ANKFY1: variants seen among roughly 807,000 people sequenced by gnomAD.
ANKFY1 encodes ankyrin repeat and FYVE domain containing 1.
In ANKFY1, 47 loss-of-function variants were observed where a neutral mutation model predicts 128.3. The ratio of observed to expected loss-of-function variants is 0.37; its 90% confidence interval spans 0.29 to 0.47. ANKFY1 has a LOEUF of 0.47. Ranked by LOEUF, ANKFY1 falls within the 20% of genes least tolerant of loss-of-function variation. The pLI is 1.00. For synonymous variants in ANKFY1, 553 were observed against 601.6 expected (o/e 0.92, Z 1.18); for missense variants, 1,222 against 1,510.6 (o/e 0.81, Z 3.17).
At chr17:4,188,720 G>A (rs2059654822) in intron 11 of ANKFY1, 1 of 152,142 alleles carries the variant, frequency 6.6e-6, no homozygotes, top group Admixed American at 6.5e-5. Context: ...TAAGCATTTA[G>A]CTGGGCGTGG....
intron 4 of ANKFY1, among the ~76,000 whole-genome samples, chr17:4,215,204 G>A (rs1391820657): frequency 2.7e-5 from 4 of 150,932 alleles, no homozygotes; most frequent in Non-Finnish European, 4.4e-5. Context: ...CAGGAGAATC[G>A]CTTGAATCGG....
chr17:4,182,898 G>T lies in ANKFY1; in HGVS notation c.1952+500C>A, dbSNP rs112990761. Reference sequence around the variant, plus strand: ...AGGCAGGCAGATCACTTGAGGTCAGGAGTTCGAGACCAGCCTGGCCAACAT... The same window carrying T: ...AGGCAGGCAGATCACTTGAGGTCAGTAGTTCGAGACCAGCCTGGCCAACAT... On this transcript the variant is annotated intron_variant, in intron 14 of 24. Transcript: ENST00000341657. 8.5e-3 allele frequency among the ~76,000 whole-genome samples: 1,298 copies of T among 152,178 alleles called. 16 individuals are homozygous for T. The highest frequency in any genetic ancestry group is 0.03 in the African/African-American group (1,258 of 41,508).
intron 1 of ANKFY1, among the ~76,000 whole-genome samples, chr17:4,252,782 A>C (rs1425902677): frequency 6.6e-6 from 1 of 152,236 alleles, no homozygotes; most frequent in African/African-American, 2.4e-5. Context: ...TAACAACTGG[A>C]AACAACCGGA....
rs529581919 is a variant in ANKFY1 at position 4,242,342 on chromosome 17, C to T, written c.117G>A (p.Ala39=). The part of the protein sequence containing the change: ...ETEKRCALLA[A]QANKESSSES... ...CGCTGCTGCTCTCCTTGTTTGCCTGCGCAGCCAAGAGAGCGCAGCGCTTCT... is the reference window on the plus strand; with the variant it reads ...CGCTGCTGCTCTCCTTGTTTGCCTGTGCAGCCAAGAGAGCGCAGCGCTTCT... Residue 39 remains alanine (A), a synonymous_variant, in exon 2 of 25, where the codon GCG becomes GCA. Transcript: ENST00000341657. 58 of 1,602,378 alleles carry T rather than the reference C, an allele frequency of 3.6e-5. No homozygotes were observed. Among genetic ancestry groups the T allele is most frequent in the South Asian group, 3.6e-4 (32 of 89,144 alleles).
At chr17:4,168,109 C>T (rs1016339262) in intron 24 of ANKFY1, 198 bp from the exon 25 acceptor site, 1 of 463,418 alleles carries the variant, frequency 2.2e-6, no homozygotes, top group East Asian at 3.6e-5. Flanking sequence ...AGTCAATCAT[C>T]AAGTTAAAGC....
chr17:4,237,945 G>A (rs919216920), intron 2 of ANKFY1, among the ~76,000 whole-genome samples: 2 of 152,044 alleles, frequency 1.3e-5, no homozygotes, highest in African/African-American at 4.8e-5. Context: ...AAAAACTATA[G>A]GTTTGTTTGG....
intron 2 of ANKFY1, among the ~76,000 whole-genome samples, chr17:4,241,314 C>T (rs1967208766): frequency 7.3e-6 from 1 of 137,264 alleles, no homozygotes; most frequent in Admixed American, 8.3e-5. Context: ...GAGTCTCGCT[C>T]TGTCGCCCAG....
rs1242213880 is a variant in ANKFY1 at position 4,168,039 on chromosome 17, A to T, written c.3378-128T>A. On this transcript the variant is annotated intron_variant, in intron 24 of 24. Coordinates refer to ENST00000341657, the MANE Select transcript of ANKFY1 (RefSeq NM_001330063.2). Reference sequence around the variant, plus strand: ...GCAATGCTACTCTGGCAACTCTGCCAACTGCCAGCCCGGTTACCACAATTC... The same window carrying T: ...GCAATGCTACTCTGGCAACTCTGCCTACTGCCAGCCCGGTTACCACAATTC... 8 of 993,152 alleles carry T rather than the reference A, an allele frequency of 8.1e-6. No homozygotes were observed. In the African/African-American group the frequency reaches 8.1e-5, roughly 10 times the overall value. The allele number at this position is 993,152 out of a possible 1,614,324, so 61.5% of individuals were successfully genotyped here.
chr17:4,243,283 G>A (rs1170792816), intron 1 of ANKFY1, among the ~76,000 whole-genome samples: 3 of 151,948 alleles, frequency 2.0e-5, no homozygotes, highest in Admixed American at 6.6e-5. Context: ...GGCCAGGATG[G>A]TCTCAAACTC....
intron 2 of ANKFY1, among the ~76,000 whole-genome samples, chr17:4,241,871 T>C (rs932318654): frequency 5.3e-5 from 8 of 151,392 alleles, no homozygotes; most frequent in Admixed American, 2.6e-4. Flanking sequence ...AGGCGGACCA[T>C]GAGGTCAGGA....
At chr17:4,193,677 C>T (rs1292020115) in intron 10 of ANKFY1, among the ~76,000 whole-genome samples, 4 of 151,998 alleles carry the variant, frequency 2.6e-5, no homozygotes, top group Admixed American at 1.3e-4. Context: ...CTGCCTGCCT[C>T]GGCCTCCCAA....
intron 1 of ANKFY1, among the ~76,000 whole-genome samples, chr17:4,247,077 C>G (rs993655120): frequency 2.6e-5 from 4 of 150,946 alleles, no homozygotes; most frequent in Admixed American, 2.0e-4. Flanking sequence ...GATCGCACCA[C>G]TGACTCCAGC....
At chr17:4,189,679 C>CAGTAGGCCCACGCCAGAG (rs1567925684) in intron 10 of ANKFY1, among the ~76,000 whole-genome samples, 200 bp from the exon 11 acceptor site, 6 of 142,454 alleles carry the variant, frequency 4.2e-5, no homozygotes, top group African/African-American at 1.4e-4. Context: ...CCACACCAGA[C>CAGTAGGCCCACGCCAGAG]AGTAGGCCCA....
chr17:4,222,747 G>A (rs968884439), intron 3 of ANKFY1: 19 of 973,214 alleles, frequency 2.0e-5, no homozygotes, highest in East Asian at 4.8e-5. Flanking sequence ...AATATTTCTC[G>A]TAGCAATAAT....
rs1429763131 is a variant in ANKFY1 at position 4,217,120 on chromosome 17, T to C, written c.323-2A>G. ...TCATCGTCACCTCAGGATTAGCATC[T>C]GGTTAAAGAAAGAGAGAACAACTGA... is the stretch of plus-strand genomic sequence containing the variant. On this transcript the variant is annotated splice_acceptor_variant, in intron 3 of 24. Transcript: ENST00000341657. LOFTEE classifies it high-confidence loss of function. 1.2e-6 allele frequency: 2 copies of C among 1,608,224 alleles called. No homozygotes were observed. The highest frequency in any genetic ancestry group is 3.3e-5 in the Admixed American group (2 of 59,970).
intron 10 of ANKFY1, among the ~76,000 whole-genome samples, chr17:4,189,793 G>C (rs2059684150): frequency 6.6e-6 from 1 of 152,178 alleles, no homozygotes; most frequent in Non-Finnish European, 1.5e-5. Context: ...CAGACAGTAA[G>C]CCCACGCCAG....
chr17:4,250,397 T>C (rs1967764786), intron 1 of ANKFY1, among the ~76,000 whole-genome samples: 1 of 152,244 alleles, frequency 6.6e-6, no homozygotes, highest in South Asian at 2.1e-4. Context: ...GCTATGATAA[T>C]GCATTTTTAA....
At chr17:4,186,072 A>G (rs1311380181) in intron 11 of ANKFY1, among the ~76,000 whole-genome samples, 3 of 152,122 alleles carry the variant, frequency 2.0e-5, no homozygotes, top group African/African-American at 7.2e-5. Context: ...CATTATTACC[A>G]CTTTCATGTT....
chr17:4,235,719 G>A (rs1567967396), intron 3 of ANKFY1, 53 bp downstream of exon 3: 1 of 1,314,258 alleles, frequency 7.6e-7, no homozygotes, highest in Non-Finnish European at 1.1e-6. Flanking sequence ...ACAACCTTCT[G>A]CCAAGAGCCC....
Sources: gnomAD v4.1 joint callset for allele counts (sites outside exome capture counted in the v4.1 genomes callset) on GRCh38, gnomAD v4.1.1 for gene constraint, MANE v1.5 for transcripts, NCBI Gene and HGNC (gene_info 2026-07-23, HGNC 2026-07-21) for gene names.